NAV1: variants seen among roughly 807,000 people sequenced by gnomAD.
NAV1 encodes pore membrane and/or filament interacting like protein 3.
In NAV1, 18 loss-of-function variants were observed where a neutral mutation model predicts 175.2. The observed-to-expected ratio is 0.10, with a 90% CI of 0.07 to 0.15. The LOEUF is 0.15. Among genes scored for constraint, NAV1 ranks in the 10% least tolerant of loss-of-function variants. NAV1 has a pLI of 1.00. For synonymous variants in NAV1, 897 were observed against 978.7 expected, an observed-to-expected ratio of 0.92 and a Z score of 1.56; for missense variants, 1,731 against 2,436.6, an observed-to-expected ratio of 0.71 and a Z score of 6.10.
At chr1:201,619,922 C>G (rs776783621), upstream of NAV1, among the ~76,000 whole-genome samples, 18 of 152,194 alleles carry the variant, frequency 1.2e-4, no homozygotes, top group Non-Finnish European at 2.5e-4. Flanking sequence ...TTTAGCTAAT[C>G]AAATAACGGT....
intron 1 of NAV1, among the ~76,000 whole-genome samples, chr1:201,551,298 A>T (rs1048666787): frequency 6.6e-6 from 1 of 152,076 alleles, no homozygotes; most frequent in African/African-American, 2.4e-5. Context: ...ATGCAATCAT[A>T]GCTTACTGCA....
intron 1 of NAV1, among the ~76,000 whole-genome samples, chr1:201,585,629 A>C (rs1025333597): frequency 2.0e-5 from 3 of 151,836 alleles, no homozygotes; most frequent in Non-Finnish European, 2.9e-5. Context: ...GACAAAAAAA[A>C]CTGATTTTTT....
chr1:201,612,480 C>T (rs893507662), intron 2 of NAV1, among the ~76,000 whole-genome samples: 6 of 151,988 alleles, frequency 3.9e-5, no homozygotes, highest in Non-Finnish European at 7.4e-5. Flanking sequence ...TAAAATGAAA[C>T]GTCAGAAATT....
rs764332536 is a variant in NAV1 at position 201,809,428 on chromosome 1, C to T, written c.4306-14C>T. On this transcript the variant is annotated splice_polypyrimidine_tract_variant and intron_variant, in intron 21 of 29. Transcript: ENST00000367296. ...CAGTGAAGCTCAAGAGCTTTTCCTT[C>T]CTTGGCCTTACAGGACTTGAAGCAG... 4 of 1,613,544 alleles carry T rather than the reference C, an allele frequency of 2.5e-6. No homozygotes were observed. In the South Asian group the frequency reaches 4.4e-5, roughly 18 times the overall value.
At chr1:201,611,162 A>C (rs1435437720) in intron 2 of NAV1, among the ~76,000 whole-genome samples, 6 of 151,982 alleles carry the variant, frequency 3.9e-5, no homozygotes, top group Non-Finnish European at 8.8e-5. Context: ...GGGCACCACC[A>C]CTGGCTGCCC....
intron 1 of NAV1, among the ~76,000 whole-genome samples, chr1:201,583,581 G>A (rs1666933154): frequency 6.6e-6 from 1 of 152,214 alleles, no homozygotes; most frequent in Non-Finnish European, 1.5e-5. Flanking sequence ...GGCACTTGGG[G>A]CCCTGGAATG....
intron 1 of NAV1, among the ~76,000 whole-genome samples, chr1:201,572,354 TTTTC>T (rs1180663457): frequency 1.6e-4 from 24 of 150,546 alleles, no homozygotes; most frequent in South Asian, 8.4e-4. Context: ...TTCTAATTTC[TTTTC>T]TTTCTTTCTT....
chr1:201,718,646 G>A lies in NAV1; in HGVS notation c.1117G>A (p.Glu373Lys). ...CAAGCTCAGCCATATCTCCCGCCTG[G>A]AGCTGGTCGAATCCCTGGACTCGGA... Residue 373 changes from glutamate (E) to lysine (K), a missense_variant, in exon 3 of 30, where the codon GAG becomes AAG. Coordinates refer to ENST00000367296, the Ensembl canonical transcript of NAV1. The surrounding 1 kb of genome is among the most constrained non-coding windows in gnomAD (Gnocchi z 4.8). The A allele has an allele frequency of 1.2e-6, 2 of 1,614,180 alleles. No homozygotes were observed. Among genetic ancestry groups the A allele is most frequent in the Non-Finnish European group, 1.7e-6 (2 of 1,180,042 alleles).
At chr1:201,780,356 G>A in intron 3 of NAV1, 65 bp from the exon 8 acceptor site, 2 of 1,596,874 alleles carry the variant, frequency 1.3e-6, no homozygotes, top group Non-Finnish European at 1.7e-6. Context: ...GCATCAATGT[G>A]AAACATTTAT....
At chr1:201,680,916 A>G (rs1476044777) in intron 1 of NAV1, among the ~76,000 whole-genome samples, 3 of 152,064 alleles carry the variant, frequency 2.0e-5, no homozygotes. Flanking sequence ...ATGCTTCTTT[A>G]CTTCTCTGTA....
At chr1:201,657,333 G>A (rs536194607) in intron 1 of NAV1, among the ~76,000 whole-genome samples, 91 of 152,284 alleles carry the variant, frequency 6.0e-4, no homozygotes, top group African/African-American at 2.1e-3. Flanking sequence ...CTTCTGTTGA[G>A]CTTTGATTCT....
intron 1 of NAV1, among the ~76,000 whole-genome samples, chr1:201,706,615 C>T (rs1305362759): frequency 1.3e-5 from 2 of 152,180 alleles, no homozygotes; most frequent in African/African-American, 4.8e-5. Context: ...TTCTGAAGTG[C>T]CATGACTTGA....
upstream of NAV1, chr1:201,622,737 T>TGCCC (rs1668210226): frequency 2.7e-6 from 2 of 742,078 alleles, no homozygotes; most frequent in African/African-American, 3.8e-5. Flanking sequence ...GGAGTGCCAG[T>TGCCC]GCCCAGTCTG....
intron 1 of NAV1, among the ~76,000 whole-genome samples, chr1:201,678,540 C>T (rs906389463): frequency 3.3e-5 from 5 of 152,314 alleles, no homozygotes; most frequent in Non-Finnish European, 5.9e-5. Context: ...TTGAAACCTG[C>T]ACTCTTAACT....
At chr1:201,545,471 G>T (rs1175687471) in intron 1 of NAV1, among the ~76,000 whole-genome samples, 3 of 151,208 alleles carry the variant, frequency 2.0e-5, no homozygotes, top group African/African-American at 7.3e-5. Flanking sequence ...GATACATGTT[G>T]GCCAGGCTGG....
In NAV1 at chr1:201,736,753, G is replaced by C. The variant is rs1039924045; in HGVS notation, c.1226+17998G>C. Among the ~76,000 whole-genome samples, 14 of 152,226 alleles carry C rather than the reference G, an allele frequency of 9.2e-5. No homozygotes were observed. The East Asian group carries it at 2.3e-3, about 25-fold the overall frequency. Reference sequence around the variant, plus strand: ...GACAAATGAGATCATGGCTCCTAAGGGCTTTTTGAAGAGAAGCCCCACAGG... The same window carrying C: ...GACAAATGAGATCATGGCTCCTAAGCGCTTTTTGAAGAGAAGCCCCACAGG... On this transcript the variant is annotated intron_variant, in intron 3 of 29. Transcript: ENST00000367296.
chr1:201,797,827 A>G (rs1488697667), intron 15 of NAV1: 1 of 152,154 alleles, frequency 6.6e-6, no homozygotes, highest in Non-Finnish European at 1.5e-5. Flanking sequence ...TTGCACATTG[A>G]TCTTATATCC....
At chr1:201,555,576 C>T in intron 1 of NAV1, among the ~76,000 whole-genome samples, 1 of 152,028 alleles carries the variant, frequency 6.6e-6, no homozygotes, top group Non-Finnish European at 1.5e-5. Flanking sequence ...CATTTGGGAA[C>T]TCAGCCCTCT....
chr1:201,631,872 C>T lies in NAV1; in HGVS notation c.4+2365C>T, dbSNP rs889025082. Among the ~76,000 whole-genome samples the T allele has an allele frequency of 2.6e-5, 4 of 152,180 alleles. No individual in the cohort carries two copies. The South Asian group carries it at 6.2e-4, about 24-fold the overall frequency. ...TTTGAAGCTCATGTATCTTCCCTTC[C>T]TGACCATGAACTCATCTTGCCCCCC... On this transcript the variant is annotated intron_variant, in intron 2 of 29. Coordinates refer to the NAV1 transcript ENST00000367302.
Sources: gnomAD v4.1 joint callset for allele counts (sites outside exome capture counted in the v4.1 genomes callset) on GRCh38, gnomAD v4.1.1 for gene constraint, Gnocchi (gnomAD v3.1) non-coding constraint, MANE v1.5 for transcripts, NCBI Gene and HGNC (gene_info 2026-07-23, HGNC 2026-07-21) for gene names.